The following GLIS1 variants were observed in gnomAD, a reference collection of about 807,000 sequenced individuals.
GLIS1 encodes the protein GLIS family zinc finger 1.
A neutral mutation model predicts 63.8 loss-of-function variants in GLIS1; 24 were observed. That is an observed-to-expected ratio of 0.38 (90% CI 0.27 to 0.53). The LOEUF is 0.53. Ranked by LOEUF, GLIS1 falls within the 20% of genes least tolerant of loss-of-function variation. GLIS1 has a pLI of 0.85. For missense variants in GLIS1, 1,036 were observed against 1,074.1 expected (o/e 0.96, Z 0.50); for synonymous variants, 450 against 482.5 (o/e 0.93, Z 0.88).
intron 4 of GLIS1, among the ~76,000 whole-genome samples, chr1:53,561,372 C>T (rs971725827): frequency 6.6e-6 from 1 of 152,244 alleles, no homozygotes; most frequent in Non-Finnish European, 1.5e-5. Context: ...CGCTGGGTTT[C>T]AGCTAAAAGA....
intron 4 of GLIS1, among the ~76,000 whole-genome samples, chr1:53,544,893 C>T (rs1411189248): frequency 6.6e-6 from 1 of 152,134 alleles, no homozygotes; most frequent in Non-Finnish European, 1.5e-5. Context: ...CGTGGGAACC[C>T]AAGCCTCACA....
chr1:53,589,791 G>A (rs1645170531), intron 4 of GLIS1, among the ~76,000 whole-genome samples: 1 of 152,210 alleles, frequency 6.6e-6, no homozygotes, highest in Admixed American at 6.5e-5. Flanking sequence ...CACAGGTCCA[G>A]CTGCCCCAGC....
rs1645596450 is a variant in GLIS1 at position 53,626,579 on chromosome 1, T to C, written c.260-26301A>G. 2.0e-5 allele frequency among the ~76,000 whole-genome samples: 3 copies of C among 152,222 alleles called. No homozygotes were observed. In the South Asian group the frequency reaches 6.2e-4, roughly 32 times the overall value. ...TATTTAAAAGCATCTTGCTTATCTGTTGACATCTTTGTTTTCTGCTCGCTG... is the reference window on the plus strand; with the variant it reads ...TATTTAAAAGCATCTTGCTTATCTGCTGACATCTTTGTTTTCTGCTCGCTG... On this transcript the variant is annotated intron_variant, in intron 2 of 10. Coordinates refer to ENST00000628545, the MANE Select transcript of GLIS1 (RefSeq NM_001367484.1).
intron 4 of GLIS1, among the ~76,000 whole-genome samples, chr1:53,590,681 C>A (rs977300940): frequency 6.6e-6 from 1 of 152,158 alleles, no homozygotes; most frequent in African/African-American, 2.4e-5. Flanking sequence ...AGATGAAGCA[C>A]CACATTTAAT....
intron 2 of GLIS1, 29 bp downstream of exon 2, chr1:53,737,777 G>T: frequency 1.1e-5 from 13 of 1,230,820 alleles, no homozygotes; most frequent in Non-Finnish European, 1.3e-5. Flanking sequence ...CACAGGAGCC[G>T]CCAGGCACGT....
At chr1:53,632,914 G>T (rs1375430731) in intron 2 of GLIS1, among the ~76,000 whole-genome samples, 2 of 145,304 alleles carry the variant, frequency 1.4e-5, no homozygotes, top group South Asian at 4.6e-4. Flanking sequence ...TGAATGAGAG[G>T]TGTGAATGAG....
At chr1:53,633,105 TGTGTGA>T (rs1645683165) in intron 2 of GLIS1, among the ~76,000 whole-genome samples, 1 of 124,272 alleles carries the variant, frequency 8.0e-6, no homozygotes, top group Non-Finnish European at 1.7e-5. Flanking sequence ...GACTGAGGGG[TGTGTGA>T]GTGTGACTGA....
intron 2 of GLIS1, among the ~76,000 whole-genome samples, chr1:53,638,775 T>C (rs1049026453): frequency 2.6e-5 from 4 of 151,912 alleles, no homozygotes; most frequent in Non-Finnish European, 5.9e-5. Context: ...CCAGTGGACA[T>C]GAAAACGAGG....
chr1:53,724,840 A>G (rs1205131682), intron 2 of GLIS1, among the ~76,000 whole-genome samples: 1 of 152,188 alleles, frequency 6.6e-6, no homozygotes, highest in African/African-American at 2.4e-5. Context: ...AAGATGATTC[A>G]TTTTTAAAAA....
In GLIS1 at chr1:53,603,266, G is replaced by A. The variant is rs371418136; in HGVS notation, c.260-2988C>T. Among the ~76,000 whole-genome samples the A allele has an allele frequency of 9.9e-5, 15 of 152,144 alleles. No homozygotes were observed. In the East Asian group the frequency reaches 1.9e-3, roughly 19 times the overall value. On this transcript the variant is annotated intron_variant, in intron 2 of 10. Transcript: ENST00000628545. ...CCTTGTCTGCTGGGACCCTCACAGC[G>A]CTCTGGGTGGAAACATCAACCTCCC...
chr1:53,682,373 G>T (rs557929695), intron 2 of GLIS1, among the ~76,000 whole-genome samples: 3 of 152,276 alleles, frequency 2.0e-5, no homozygotes, highest in African/African-American at 7.2e-5. Context: ...CTGCATCCCC[G>T]CGAGGAGCTC....
chr1:53,555,595 T>A (rs1406218581), intron 4 of GLIS1, among the ~76,000 whole-genome samples: 1 of 152,168 alleles, frequency 6.6e-6, no homozygotes, highest in Non-Finnish European at 1.5e-5. Flanking sequence ...AAAGGATAAA[T>A]GCTTGAGGTA....
Position 53,543,959 on chromosome 1 carries a change from C to T in GLIS1, c.1321-14007G>A, listed in dbSNP as rs1226522243. Among the ~76,000 whole-genome samples, 7 of 152,164 alleles carry T rather than the reference C, an allele frequency of 4.6e-5. No individual in the cohort carries two copies. The East Asian group carries it at 1.4e-3, about 29-fold the overall frequency. ...CACACGGGAGAGCAGGAAGGGGCCC[C>T]TGAGGAGAAGCACGCTGTGAGGAGC... On this transcript the variant is annotated intron_variant, in intron 4 of 10. Coordinates refer to ENST00000628545, the MANE Select transcript of GLIS1 (RefSeq NM_001367484.1).
In GLIS1 at chr1:53,726,342, C is replaced by T. The variant is rs149548130; in HGVS notation, c.259+11464G>A. ...CATCTGCAAAATAAGGATGCTAACA[C>T]CCACTGCGCAAGGAGTGAATGTAGA... On this transcript the variant is annotated intron_variant, in intron 2 of 10. Transcript: ENST00000628545. Among the ~76,000 whole-genome samples the T allele has an allele frequency of 3.7e-3, 567 of 152,278 alleles. 8 individuals carry two copies. Among genetic ancestry groups the T allele is most frequent in the Non-Finnish European group, 2.5e-3 (168 of 68,034 alleles).
intron 4 of GLIS1, among the ~76,000 whole-genome samples, chr1:53,577,352 G>C (rs1205227926): frequency 6.6e-6 from 1 of 151,942 alleles, no homozygotes; most frequent in African/African-American, 2.4e-5. Flanking sequence ...CCTCAACTGG[G>C]CTCCCCACCC....
chr1:53,514,550 G>C (rs373393928), intron 8 of GLIS1, 75 bp downstream of exon 8: 5 of 1,456,252 alleles, frequency 3.4e-6, no homozygotes, highest in African/African-American at 2.8e-5. Context: ...GATAGTGCGG[G>C]ACACCTGCTC....
chr1:53,509,529 T>C (rs1226077028), intron 9 of GLIS1, among the ~76,000 whole-genome samples: 1 of 152,108 alleles, frequency 6.6e-6, no homozygotes, highest in Non-Finnish European at 1.5e-5. Flanking sequence ...TGGCTGCTCC[T>C]GAGTCACCCG....
chr1:53,521,348 C>A (rs552769405), intron 6 of GLIS1, among the ~76,000 whole-genome samples: 3 of 152,280 alleles, frequency 2.0e-5, no homozygotes, highest in Non-Finnish European at 4.4e-5. Flanking sequence ...CCCAACCCCC[C>A]ACCCAGCTCT....
In GLIS1 at chr1:53,524,640, C is replaced by T. The variant is rs971778760; in HGVS notation, c.1593+137G>A. 2.4e-5 allele frequency: 16 copies of T among 660,904 alleles called. 1 individual carries two copies. The Admixed American group carries it at 3.4e-4, about 14-fold the overall frequency. 40.9% of individuals were successfully genotyped at this position (660,904 alleles called of 1,614,324 possible). On this transcript the variant is annotated intron_variant, in intron 6 of 10. Transcript: ENST00000628545. Reference sequence around the variant, plus strand: ...GGTGGGAAGTGGACGGACGGACGAACGGACGAACGGATGGACGAACAGTGG... The same window carrying T: ...GGTGGGAAGTGGACGGACGGACGAATGGACGAACGGATGGACGAACAGTGG...
Sources: gnomAD v4.1 joint callset for allele counts (sites outside exome capture counted in the v4.1 genomes callset) on GRCh38, gnomAD v4.1.1 for gene constraint, MANE v1.5 for transcripts, NCBI Gene and HGNC (gene_info 2026-07-23, HGNC 2026-07-21) for gene names.